Variants in KANSL3 observed in about 807,000 individuals in gnomAD.
KANSL3 encodes the protein NSL complex protein NSL3.
Under a neutral mutation model 89.2 loss-of-function variants are expected in KANSL3, and 16 were observed. The observed-to-expected ratio is 0.18, with a 90% CI of 0.12 to 0.27. The LOEUF (loss-of-function observed/expected upper bound fraction) is 0.27. Ranked by LOEUF, KANSL3 falls within the 10% of genes least tolerant of loss-of-function variation. KANSL3 has a pLI of 1.00. For synonymous variants in KANSL3, 385 were observed against 419.7 expected (o/e 0.92, Z 1.01); for missense variants, 879 against 1,110.6 (o/e 0.79, Z 2.96).
At chr2:96,601,523 G>C (rs6759099) in intron 20 of KANSL3, 120 bp downstream of exon 20, 397,291 of 1,422,184 alleles carry the variant, frequency 0.28, 64,548 homozygotes, top group South Asian at 0.66. Context: ...ATACAGATTT[G>C]AATTTGAATC....
At chr2:96,586,224 CAAAA>C in the KANSL3 span, among the ~76,000 whole-genome samples, 3 of 61,512 alleles carry the variant, frequency 4.9e-5, no homozygotes, top group African/African-American at 5.9e-5. Flanking sequence ...GACTCAGTCT[CAAAA>C]AAAAAAAAAA....
In KANSL3 at chr2:96,631,397, T is replaced by G. The variant is rs1456367357; in HGVS notation, c.301A>C (p.Asn101His). 9 of 1,608,986 alleles carry G rather than the reference T, an allele frequency of 5.6e-6. No individual in the cohort carries two copies. The highest frequency in any genetic ancestry group is 1.7e-6 in the Non-Finnish European group (2 of 1,177,640). The change falls in exon 3 of 21, where the codon AAT becomes CAT. Residue 101 changes from asparagine to histidine, a missense_variant. Asn to His is a moderately conservative substitution (Grantham distance 68, BLOSUM62 1). Coordinates refer to ENST00000431828, the MANE Select transcript of KANSL3 (RefSeq NM_001115016.3). ...AAGATGACATGCCGTTCACACTCAT[T>G]CATCACGCTGCGTGCCTTCTGATTG... ...YDNQKARSVM[N>H]ECERHVIFAR...
intron 20 of KANSL3, chr2:96,600,871 G>A (rs1450819105): frequency 1.0e-6 from 1 of 985,316 alleles, no homozygotes; most frequent in Non-Finnish European, 1.2e-6. Context: ...CACAGTGCTA[G>A]AAAGCCAATG....
intron 3 of KANSL3, among the ~76,000 whole-genome samples, chr2:96,621,987 G>A (rs886597209): frequency 6.6e-6 from 1 of 152,052 alleles, no homozygotes; most frequent in African/African-American, 2.4e-5. Context: ...GGTGGCACAC[G>A]CCTGTAGTCC....
In KANSL3 at chr2:96,595,551, A is replaced by G. The variant is rs752047870; in HGVS notation, c.*60T>C. The stretch of plus-strand genomic sequence containing the variant: ...GCTCAGCAGGACCACACACCTGTCC[A>G]GGGCCCACCATGAGGCAGCCATCAC... On this transcript the variant is annotated 3_prime_UTR_variant, in exon 21 of 21. Coordinates refer to ENST00000431828, the MANE Select transcript of KANSL3 (RefSeq NM_001115016.3). 53 of 1,598,014 alleles carry G rather than the reference A, an allele frequency of 3.3e-5. No homozygotes were observed. The highest frequency in any genetic ancestry group is 4.2e-5 in the Non-Finnish European group (49 of 1,166,852).
At chr2:96,634,879 C>T (rs1573676910) in intron 2 of KANSL3, among the ~76,000 whole-genome samples, 1 of 152,324 alleles carries the variant, frequency 6.6e-6, no homozygotes, top group South Asian at 2.1e-4. Flanking sequence ...TTCCCTAACT[C>T]ATGGCACCAC....
chr2:96,593,488 G>T lies in KANSL3; in HGVS notation c.*2123C>A. 2.7e-6 allele frequency: 1 copy of T among 365,708 alleles called. No homozygotes were observed. Among genetic ancestry groups the T allele is most frequent in the Non-Finnish European group, 5.4e-6 (1 of 184,228 alleles). The allele number at this position is 365,708 out of a possible 1,614,324, so 22.7% of individuals were successfully genotyped here. Reference sequence around the variant, plus strand: ...CGTTCCAAGAAATATAGTTTGCGAAGGGAACTGGAAAACGTGACTCTAGGC... The same window carrying T: ...CGTTCCAAGAAATATAGTTTGCGAATGGAACTGGAAAACGTGACTCTAGGC... On this transcript the variant is annotated 3_prime_UTR_variant, in exon 21 of 21. Transcript: ENST00000431828.
intron 12 of KANSL3, among the ~76,000 whole-genome samples, chr2:96,609,271 G>C (rs540532069): frequency 6.6e-6 from 1 of 152,282 alleles, no homozygotes; most frequent in African/African-American, 2.4e-5. Context: ...CTGTCAGGGG[G>C]AGCTCTGGGG....
At chr2:96,602,900 T>C in intron 17 of KANSL3, 38 bp from the exon 18 acceptor site, 1 of 1,581,396 alleles carries the variant, frequency 6.3e-7, no homozygotes, top group Non-Finnish European at 8.7e-7. Context: ...AGAGACTCAA[T>C]CACTTGCACT....
At position 96,604,101 on chromosome 2, in the gene KANSL3, T is replaced by G. The variant is rs1420079897; in HGVS notation, c.2149+149A>C. 4.9e-6 allele frequency: 4 copies of G among 823,932 alleles called. No homozygotes were observed. In the African/African-American group the frequency reaches 7.1e-5, roughly 15 times the overall value. 51.0% of individuals were successfully genotyped at this position (823,932 alleles called of 1,614,324 possible). Reference sequence around the variant, plus strand: ...AAGGAATCCCTCTGCCCAAGCTAATTCCAGCTTCACGTCAAGCCTCTATGA... The same window carrying G: ...AAGGAATCCCTCTGCCCAAGCTAATGCCAGCTTCACGTCAAGCCTCTATGA... On this transcript the variant is annotated intron_variant, in intron 17 of 20. Transcript: ENST00000431828.
Position 96,601,654 on chromosome 2 carries a change from A to T in KANSL3, c.2605T>A (p.Ser869Thr), listed in dbSNP as rs2067203712. 3.1e-6 allele frequency: 5 copies of T among 1,613,496 alleles called. No homozygotes were observed. Among genetic ancestry groups the T allele is most frequent in the Non-Finnish European group, 4.2e-6 (5 of 1,179,692 alleles). Reference protein sequence around the residue: ...SEESSSQVLPSSSQRLPPAP With the variant: ...SEESSSQVLPTSSQRLPPAP ...CCTGGCAGACTCACCTGTGAGCTGG[A>T]GGGCAGCACCTGGGAAGAGGACTCC... Residue 869 changes from serine to threonine, a missense_variant, in exon 20 of 21, where the codon TCC becomes ACC. Around this residue, in one of 6 missense-constraint regions of KANSL3, gnomAD observed 61 missense variants for 61.7 expected, o/e 0.99. Coordinates refer to ENST00000431828, the MANE Select transcript of KANSL3 (RefSeq NM_001115016.3).
chr2:96,617,194 G>C (rs1374523885), intron 5 of KANSL3, among the ~76,000 whole-genome samples: 2 of 152,134 alleles, frequency 1.3e-5, no homozygotes, highest in African/African-American at 4.8e-5. Context: ...CAGTACAGGG[G>C]AAAGTCTGGG....
At chr2:96,625,956 T>G (rs907317935) in intron 3 of KANSL3, among the ~76,000 whole-genome samples, 11 of 152,264 alleles carry the variant, frequency 7.2e-5, no homozygotes, top group African/African-American at 2.6e-4. Flanking sequence ...CAACTGGCAC[T>G]CCCCACCCCG....
In KANSL3 at chr2:96,608,903, G is replaced by C; in HGVS notation, c.1545C>G (p.Ser515=). The change falls in exon 13 of 21, where the codon TCC becomes TCG. Residue 515 remains serine, a synonymous_variant. Transcript: ENST00000431828. The stretch of plus-strand genomic sequence containing the variant: ...GTGAGGCGGGCAGCTTGGCAGCTGG[G>C]GAGGCAGGTCGACTGCCCCGCTCAG... ...EVPERGSRPA[S]PAAKLPASPS... is the part of the protein sequence containing the mutation. 6.3e-7 allele frequency: 1 copy of C among 1,577,046 alleles called. No individual in the cohort carries two copies. The highest frequency in any genetic ancestry group is 2.3e-5 in the East Asian group (1 of 42,790).
At chr2:96,583,044 A>G in the KANSL3 span, among the ~76,000 whole-genome samples, 1 of 152,176 alleles carries the variant, frequency 6.6e-6, no homozygotes, top group African/African-American at 2.4e-5. Context: ...AACCTCTGCT[A>G]TTTTGTTCTG....
chr2:96,613,016 C>T (rs1446092356), intron 6 of KANSL3, 82 bp from the exon 7 acceptor site: 11 of 865,244 alleles, frequency 1.3e-5, no homozygotes, highest in Middle Eastern at 2.1e-4. Context: ...ATACCTTTCT[C>T]ATCCCAACCA....
At chr2:96,632,607 G>A (rs1378842589) in intron 2 of KANSL3, among the ~76,000 whole-genome samples, 1 of 152,218 alleles carries the variant, frequency 6.6e-6, no homozygotes, top group South Asian at 2.1e-4. Context: ...AGTTGACTGA[G>A]ATGGGCCAGA....
At chr2:96,620,626 G>A (rs2071083172) in intron 3 of KANSL3, among the ~76,000 whole-genome samples, 1 of 152,128 alleles carries the variant, frequency 6.6e-6, no homozygotes, top group Non-Finnish European at 1.5e-5. Flanking sequence ...ACTCTGGCTA[G>A]TGACCTTCCT....
Position 96,601,634 on chromosome 2 carries a change from C to A in KANSL3, c.2616+9G>T. The A allele has an allele frequency of 6.2e-7, 1 of 1,612,634 alleles. No individual in the cohort carries two copies. On this transcript the variant is annotated intron_variant, in intron 20 of 20. Transcript: ENST00000431828. ...AGCCCATGTCCTCAGTCCTTCCTGG[C>A]AGACTCACCTGTGAGCTGGAGGGCA...
Sources: gnomAD v4.1 joint callset for allele counts (sites outside exome capture counted in the v4.1 genomes callset) on GRCh38, gnomAD v4.1.1 for gene constraint, gnomAD v4.1.1 regional missense constraint, MANE v1.5 for transcripts, NCBI Gene and HGNC (gene_info 2026-07-23, HGNC 2026-07-21) for gene names.